Variants in SYT9 observed in about 807,000 individuals in gnomAD.
SYT9 encodes synaptotagmin 9, also known as synaptotagmin-9.
A neutral mutation model predicts 48.4 loss-of-function variants in SYT9; 22 were observed. That is an observed-to-expected ratio of 0.45 (90% CI 0.32 to 0.65). SYT9 has a LOEUF of 0.65. Among genes scored for constraint, SYT9 ranks in the 30% least tolerant of loss-of-function variants. SYT9 has a pLI of 0.03. For synonymous variants in SYT9, 265 were observed against 245.0 expected (o/e 1.08, Z -0.76); for missense variants, 577 against 622.0 (o/e 0.93, Z 0.77).
intron 1 of SYT9, among the ~76,000 whole-genome samples, chr11:7,278,980 G>A (rs910337027): frequency 5.3e-5 from 8 of 152,300 alleles, no homozygotes; most frequent in Middle Eastern, 3.4e-3. Flanking sequence ...AGTCAAAAAT[G>A]TATGTTAATT....
chr11:7,416,246 C>T (rs1847245693), intron 4 of SYT9, 84 bp downstream of exon 4: 2 of 1,532,518 alleles, frequency 1.3e-6, no homozygotes, highest in Non-Finnish European at 1.8e-6. Context: ...TAATAAAGCA[C>T]ATTGACTCTG....
intron 3 of SYT9, among the ~76,000 whole-genome samples, chr11:7,338,909 C>T (rs1354562974): frequency 6.6e-6 from 1 of 152,048 alleles, no homozygotes; most frequent in Non-Finnish European, 1.5e-5. Context: ...TAATTTCCTG[C>T]CTCAGTGATC....
intron 3 of SYT9, among the ~76,000 whole-genome samples, chr11:7,375,059 G>A (rs775600468): frequency 8.6e-5 from 13 of 152,010 alleles, no homozygotes; most frequent in Admixed American, 2.0e-4. Flanking sequence ...TAGGTCTTAC[G>A]TTTAAGTCTT....
At chr11:7,426,864 C>A (rs1460611036) in intron 6 of SYT9, among the ~76,000 whole-genome samples, 1 of 152,056 alleles carries the variant, frequency 6.6e-6, no homozygotes, top group Non-Finnish European at 1.5e-5. Context: ...ATTTGGATCC[C>A]CTTTTTCTCA....
chr11:7,313,345 C>T, intron 2 of SYT9, 50 bp from the exon 3 acceptor site: 1 of 1,531,786 alleles, frequency 6.5e-7, no homozygotes, highest in Non-Finnish European at 8.7e-7. Flanking sequence ...TTCTGAGAGA[C>T]CCATAGCTAA....
upstream of SYT9, among the ~76,000 whole-genome samples, chr11:7,249,155 T>G (rs1278539699): frequency 4.6e-5 from 7 of 152,206 alleles, no homozygotes; most frequent in African/African-American, 1.7e-4. Context: ...ACATCGGGAA[T>G]TAGGGCTTCA....
In SYT9 at chr11:7,285,405, A is replaced by G. The variant is rs57032384; in HGVS notation, c.146-17634A>G. ...CCATCAGATCTTCTGAGAACCCACT[A>G]TCATGAGAACAGCATGGAGGTAACT... On this transcript the variant is annotated intron_variant, in intron 1 of 6. Transcript: ENST00000318881. Among the ~76,000 whole-genome samples, 6 of 152,270 alleles carry G rather than the reference A, an allele frequency of 3.9e-5. No individual in the cohort carries two copies. In the East Asian group the frequency reaches 5.8e-4, roughly 15 times the overall value.
At chr11:7,398,458 G>C (rs567115056) in intron 3 of SYT9, among the ~76,000 whole-genome samples, 43 of 149,914 alleles carry the variant, frequency 2.9e-4, no homozygotes, top group Non-Finnish European at 4.3e-4. Flanking sequence ...CGCCCAGGCT[G>C]GAGTGCAGTG....
chr11:7,365,649 G>A (rs1850227014), intron 3 of SYT9, among the ~76,000 whole-genome samples: 1 of 152,148 alleles, frequency 6.6e-6, no homozygotes, highest in Admixed American at 6.5e-5. Flanking sequence ...TTTCTTCTCA[G>A]AGTATTTTCA....
intron 3 of SYT9, among the ~76,000 whole-genome samples, chr11:7,369,272 T>A (rs1193780286): frequency 6.6e-6 from 1 of 152,174 alleles, no homozygotes; most frequent in Non-Finnish European, 1.5e-5. Context: ...ATAAATGTCT[T>A]CTTTTGAGAA....
chr11:7,303,634 A>G (rs1021585812), intron 2 of SYT9, among the ~76,000 whole-genome samples: 2 of 152,196 alleles, frequency 1.3e-5, no homozygotes, highest in African/African-American at 2.4e-5. Flanking sequence ...CTTTATATTC[A>G]TATTTTATTA....
At chr11:7,321,300 T>C (rs898008627) in intron 3 of SYT9, among the ~76,000 whole-genome samples, 19 of 114,502 alleles carry the variant, frequency 1.7e-4, no homozygotes, top group South Asian at 7.7e-4. Context: ...TTGGAGACTT[T>C]CCTGTTCTGT....
chr11:7,326,514 A>G (rs1319969211), intron 3 of SYT9, among the ~76,000 whole-genome samples: 2 of 148,254 alleles, frequency 1.3e-5, no homozygotes, highest in Non-Finnish European at 3.0e-5. Context: ...TTTTTTCTTT[A>G]TTAGTCTTGC....
chr11:7,382,079 T>G (rs574300366), intron 3 of SYT9, among the ~76,000 whole-genome samples: 39 of 152,326 alleles, frequency 2.6e-4, no homozygotes, highest in African/African-American at 9.4e-4. Flanking sequence ...CTCAGAGTCA[T>G]GTTGCAGTGT....
intron 3 of SYT9, among the ~76,000 whole-genome samples, chr11:7,339,458 G>A (rs1462497768): frequency 2.0e-5 from 3 of 152,106 alleles, no homozygotes; most frequent in African/African-American, 7.2e-5. Flanking sequence ...CCTGGTCTGT[G>A]TACTTAAGTA....
At chr11:7,351,694 AC>A (rs530991732) in intron 3 of SYT9, among the ~76,000 whole-genome samples, 19 of 152,246 alleles carry the variant, frequency 1.2e-4, no homozygotes, top group Non-Finnish European at 2.2e-4. Flanking sequence ...TGTTTTGTCA[AC>A]ATTTTGCTTC....
chr11:7,428,839 G>A (rs1847514473), intron 6 of SYT9, among the ~76,000 whole-genome samples: 1 of 152,110 alleles, frequency 6.6e-6, no homozygotes, highest in African/African-American at 2.4e-5. Flanking sequence ...TAGCTGAGGT[G>A]GAACAGCAAG....
chr11:7,306,507 A>G (rs1036493436), intron 2 of SYT9, among the ~76,000 whole-genome samples: 4 of 152,276 alleles, frequency 2.6e-5, no homozygotes, highest in Middle Eastern at 3.4e-3. Context: ...CATGAACTCA[A>G]TAGGAGACTG....
intron 6 of SYT9, among the ~76,000 whole-genome samples, chr11:7,449,332 A>G (rs1443541232): frequency 6.7e-6 from 1 of 150,358 alleles, no homozygotes; most frequent in Non-Finnish European, 1.5e-5. Flanking sequence ...CAAAAAAAAA[A>G]AAAAAAAAAA....
Sources: gnomAD v4.1 joint callset for allele counts (sites outside exome capture counted in the v4.1 genomes callset) on GRCh38, gnomAD v4.1.1 for gene constraint, MANE v1.5 for transcripts, NCBI Gene and HGNC (gene_info 2026-07-23, HGNC 2026-07-21) for gene names.